The following TBC1D19 variants were observed in gnomAD, a reference collection of about 807,000 sequenced individuals.
The protein encoded by TBC1D19 is TBC1 domain family, member 19.
A neutral mutation model predicts 89.0 loss-of-function variants in TBC1D19; 60 were observed. The observed-to-expected ratio is 0.67, with a 90% CI of 0.55 to 0.84. The LOEUF is 0.84. TBC1D19 is among the 40% of genes least tolerant of loss of function. TBC1D19 has a pLI of 0.00. For missense variants in TBC1D19, 500 were observed against 610.8 expected, an observed-to-expected ratio of 0.82 and a Z score of 1.91; for synonymous variants, 189 against 199.7, an observed-to-expected ratio of 0.95 and a Z score of 0.45.
chr4:26,775,254 C>A, the TBC1D19 span, among the ~76,000 whole-genome samples: 35 of 152,246 alleles, frequency 2.3e-4, no homozygotes, highest in Admixed American at 1.2e-3. Flanking sequence ...GAGTTTGAGA[C>A]CAGCCTGGGC....
At chr4:26,817,981 A>AAATATATAT in the TBC1D19 span, among the ~76,000 whole-genome samples, 4 of 126,050 alleles carry the variant, frequency 3.2e-5, no homozygotes, top group African/African-American at 1.5e-4. Context: ...AAAAAAAAAA[A>AAATATATAT]ATATATATAT....
chr4:26,795,375 TTTTTTCC>T, the TBC1D19 span, among the ~76,000 whole-genome samples: 1 of 152,202 alleles, frequency 6.6e-6, no homozygotes, highest in Admixed American at 6.5e-5. Context: ...CCCTGATTCA[TTTTTTCC>T]TTATATTGAT....
chr4:26,625,042 A>G (rs1327444507), intron 4 of TBC1D19, among the ~76,000 whole-genome samples: 2 of 151,832 alleles, frequency 1.3e-5, no homozygotes, highest in Non-Finnish European at 2.9e-5. Context: ...TTTGAATTGT[A>G]CCCTGGAAAA....
chr4:26,646,280 A>C (rs1161528545), intron 7 of TBC1D19, among the ~76,000 whole-genome samples: 1 of 152,204 alleles, frequency 6.6e-6, no homozygotes, highest in African/African-American at 2.4e-5. Context: ...ATCTCACACC[A>C]GTTAGAATGG....
chr4:26,754,205 A>T (rs924593518), intron 20 of TBC1D19: 2 of 231,730 alleles, frequency 8.6e-6, no homozygotes, highest in Admixed American at 9.9e-5. Context: ...GTTCATGTCC[A>T]TGCATTATTT....
intron 13 of TBC1D19, among the ~76,000 whole-genome samples, chr4:26,691,155 C>G (rs895335017): frequency 1.3e-5 from 2 of 152,098 alleles, no homozygotes; most frequent in Admixed American, 1.3e-4. Context: ...AGAAGTAGAG[C>G]CTCAATATGT....
At chr4:26,676,749 T>C (rs949471042) in intron 11 of TBC1D19, among the ~76,000 whole-genome samples, 4 of 152,058 alleles carry the variant, frequency 2.6e-5, no homozygotes, top group Non-Finnish European at 5.9e-5. Flanking sequence ...GTCTACCTCT[T>C]ATACCTGTTG....
chr4:26,845,084 C>T, the TBC1D19 span, among the ~76,000 whole-genome samples: 4 of 152,018 alleles, frequency 2.6e-5, no homozygotes, highest in South Asian at 8.3e-4. Context: ...TTAATGAAAT[C>T]AACAATTATC....
At chr4:26,620,573 G>T (rs1369473061) in intron 3 of TBC1D19, 40 bp from the exon 4 acceptor site, 1 of 1,552,434 alleles carries the variant, frequency 6.4e-7, no homozygotes, top group East Asian at 2.2e-5. Flanking sequence ...CTAACCAAGA[G>T]AATAATGTGT....
chr4:26,796,173 C>A, the TBC1D19 span, among the ~76,000 whole-genome samples: 6 of 152,120 alleles, frequency 3.9e-5, no homozygotes, highest in Non-Finnish European at 8.8e-5. Flanking sequence ...TTACGAAAAG[C>A]AATGTTCCAA....
At chr4:26,838,237 G>T in the TBC1D19 span, among the ~76,000 whole-genome samples, 3 of 152,114 alleles carry the variant, frequency 2.0e-5, no homozygotes, top group Non-Finnish European at 2.9e-5. Flanking sequence ...GCCAGTTGTT[G>T]GACGTATGTA....
At chr4:26,736,184 C>T (rs1718033666) in intron 16 of TBC1D19, among the ~76,000 whole-genome samples, 1 of 92,832 alleles carries the variant, frequency 1.1e-5, no homozygotes, top group African/African-American at 3.2e-5. Flanking sequence ...GAAAATGTGG[C>T]ACATATACAC....
At chr4:26,628,917 GA>G (rs1363797797) in intron 4 of TBC1D19, among the ~76,000 whole-genome samples, 2 of 151,974 alleles carry the variant, frequency 1.3e-5, no homozygotes, top group African/African-American at 4.8e-5. Context: ...TCAATATCAT[GA>G]AAATGGCCAT....
chr4:26,672,070 G>GA (rs1712359480), intron 9 of TBC1D19, 79 bp from the exon 10 acceptor site: 1 of 697,622 alleles, frequency 1.4e-6, no homozygotes, highest in African/African-American at 1.9e-5. Flanking sequence ...ATCAATACCA[G>GA]AAAAATGTAT....
At chr4:26,693,362 T>TA (rs1282576715) in intron 13 of TBC1D19, among the ~76,000 whole-genome samples, 1 of 152,136 alleles carries the variant, frequency 6.6e-6, no homozygotes, top group Non-Finnish European at 1.5e-5. Flanking sequence ...GCAGCCATTA[T>TA]AAATATATTC....
Position 26,584,095 on chromosome 4 carries a change from G to A in TBC1D19, c.-99G>A, listed in dbSNP as rs1017254949. 1.6e-5 allele frequency: 19 copies of A among 1,205,340 alleles called. No homozygotes were observed. Among genetic ancestry groups the A allele is most frequent in the Middle Eastern group, 2.3e-4 (1 of 4,314 alleles). The allele number at this position is 1,205,340 out of a possible 1,614,324, so 74.7% of individuals were successfully genotyped here. A position where few individuals can be genotyped will look rare whatever the true frequency, so the allele number is the denominator to read the frequency against. The stretch of plus-strand genomic sequence containing the variant: ...GCTGGAGGAGTCCCAGTGTAATAAG[G>A]TCCCGGAGAAGTGTCACTGGCCCTG... On this transcript the variant is annotated 5_prime_UTR_variant, in exon 1 of 21. Coordinates refer to ENST00000264866, the MANE Select transcript of TBC1D19 (RefSeq NM_018317.4).
Position 26,642,424 on chromosome 4 carries a change from G to A in TBC1D19, c.480+2237G>A, listed in dbSNP as rs548457490. On this transcript the variant is annotated intron_variant, in intron 7 of 20. Transcript: ENST00000264866. ...AGGCCTGCCCTAAAAGAGCTCCTGA[G>A]GGAAGCACTAAACATGGAAAGGAAC... is the stretch of plus-strand genomic sequence containing the variant. Among the ~76,000 whole-genome samples the A allele has an allele frequency of 9.9e-5, 15 of 152,238 alleles. No homozygotes were observed. In the South Asian group the frequency reaches 1.0e-3, roughly 11 times the overall value.
intron 10 of TBC1D19, 120 bp from the exon 11 acceptor site, chr4:26,673,656 T>C (rs1360181935): frequency 2.1e-5 from 15 of 705,592 alleles, no homozygotes; most frequent in Non-Finnish European, 2.5e-6. Flanking sequence ...AAAGATACGG[T>C]GTAATTATGT....
At chr4:26,618,010 A>G in intron 3 of TBC1D19, among the ~76,000 whole-genome samples, 1 of 152,196 alleles carries the variant, frequency 6.6e-6, no homozygotes, top group Non-Finnish European at 1.5e-5. Context: ...GTACACATTC[A>G]TGGCTTTCGC....
Sources: gnomAD v4.1 joint callset for allele counts (sites outside exome capture counted in the v4.1 genomes callset) on GRCh38, gnomAD v4.1.1 for gene constraint, MANE v1.5 for transcripts, NCBI Gene and HGNC (gene_info 2026-07-23, HGNC 2026-07-21) for gene names.